Variants in PTPRK observed in about 807,000 individuals in gnomAD.
PTPRK encodes protein tyrosine phosphatase receptor type K, also known as receptor-type tyrosine-protein phosphatase kappa.
PTPRK carries 75 observed loss-of-function variants against 178.0 expected under a neutral mutation model. The observed-to-expected ratio is 0.42, with a 90% CI of 0.35 to 0.51. The LOEUF is 0.51. PTPRK is among the 20% of genes least tolerant of loss of function. The pLI, the probability that PTPRK is intolerant of heterozygous loss-of-function variation, is 0.02. For missense variants in PTPRK, 1,441 were observed against 1,797.8 expected (o/e 0.80, Z 3.59); for synonymous variants, 637 against 620.6 (o/e 1.03, Z -0.39).
intron 2 of PTPRK, among the ~76,000 whole-genome samples, chr6:128,353,169 A>C (rs1833426515): frequency 6.6e-6 from 1 of 152,250 alleles, no homozygotes; most frequent in Admixed American, 6.5e-5. Flanking sequence ...CTAAAATTTC[A>C]ATGAGATCAC....
intron 3 of PTPRK, among the ~76,000 whole-genome samples, chr6:128,257,190 A>G: frequency 6.6e-6 from 1 of 151,340 alleles, no homozygotes; most frequent in African/African-American, 2.4e-5. Flanking sequence ...AGATCACGCC[A>G]TTGCACTCCA....
chr6:128,509,820 C>T (rs1254943307), intron 1 of PTPRK, among the ~76,000 whole-genome samples: 1 of 152,118 alleles, frequency 6.6e-6, no homozygotes, highest in Non-Finnish European at 1.5e-5. Context: ...CAGCCTCCTG[C>T]ATAGATCTCC....
intron 7 of PTPRK, among the ~76,000 whole-genome samples, chr6:128,113,639 T>G (rs953166110): frequency 6.6e-6 from 1 of 152,080 alleles, no homozygotes; most frequent in African/African-American, 2.4e-5. Context: ...GTAAGGGACT[T>G]GAGCATCTGC....
chr6:128,435,139 AGGC>A (rs1845424961), intron 1 of PTPRK, among the ~76,000 whole-genome samples: 1 of 144,146 alleles, frequency 6.9e-6, no homozygotes, highest in Non-Finnish European at 1.5e-5. Flanking sequence ...GCAGGCAGGC[AGGC>A]AGGCAGGCAG....
At chr6:128,337,977 G>A (rs960817968) in intron 2 of PTPRK, among the ~76,000 whole-genome samples, 1 of 152,170 alleles carries the variant, frequency 6.6e-6, no homozygotes, top group Non-Finnish European at 1.5e-5. Context: ...AGGAGAAAAT[G>A]GGGAAGATGA....
At chr6:128,319,387 C>A (rs949429406) in intron 3 of PTPRK, among the ~76,000 whole-genome samples, 1 of 152,056 alleles carries the variant, frequency 6.6e-6, no homozygotes, top group Non-Finnish European at 1.5e-5. Flanking sequence ...TTCTACAGAG[C>A]AAAGCTAGGC....
Position 127,982,942 on chromosome 6 carries a change from G to A in PTPRK, c.3426C>T (p.Ala1142=). The change falls in exon 24 of 30, where the codon GCC becomes GCT. Residue 1142 remains alanine (A), a synonymous_variant. Coordinates refer to ENST00000368226, the MANE Select transcript of PTPRK (RefSeq NM_002844.4). The part of the protein sequence containing the change: ...YIFIHDAILE[A]CLCGETAIPV... The stretch of plus-strand genomic sequence containing the variant: ...GTATGGCAGTTTCTCCACATAAGCA[G>A]GCTTCTAAAATGGCATCATGAATAA... 1.2e-6 allele frequency: 2 copies of A among 1,613,158 alleles called. No homozygotes were observed. The highest frequency in any genetic ancestry group is 1.7e-6 in the Non-Finnish European group (2 of 1,179,466).
chr6:128,180,199 T>C (rs1210783669), intron 7 of PTPRK, among the ~76,000 whole-genome samples: 1 of 151,974 alleles, frequency 6.6e-6, no homozygotes, highest in African/African-American at 2.4e-5. Context: ...ACACAGACAA[T>C]TTCTGATGAT....
At chr6:128,422,638 CCAAAGAACTCAAAA>C (rs1478565146) in intron 1 of PTPRK, among the ~76,000 whole-genome samples, 1 of 109,674 alleles carries the variant, frequency 9.1e-6, no homozygotes, top group Non-Finnish European at 1.7e-5. Flanking sequence ...CACTTTTTTC[CCAAAGAACTCAAAA>C]TAGTTTTTAA....
chr6:128,020,861 G>A (rs1441688400), intron 13 of PTPRK, among the ~76,000 whole-genome samples: 1 of 152,140 alleles, frequency 6.6e-6, no homozygotes, highest in East Asian at 1.9e-4. Context: ...TTTCCACCAA[G>A]GCTTCGATAA....
chr6:128,142,653 T>C (rs1006227464), intron 7 of PTPRK, among the ~76,000 whole-genome samples: 6 of 151,864 alleles, frequency 4.0e-5, no homozygotes, highest in African/African-American at 1.5e-4. Flanking sequence ...AATGTGAAGT[T>C]TTTTAAATAA....
chr6:128,246,549 GC>G (rs1191485226), intron 3 of PTPRK, among the ~76,000 whole-genome samples: 1 of 152,112 alleles, frequency 6.6e-6, no homozygotes, highest in African/African-American at 2.4e-5. Context: ...TTCCTTTACT[GC>G]TAAAGATCTA....
At chr6:128,131,972 G>A (rs1794314309) in intron 7 of PTPRK, among the ~76,000 whole-genome samples, 1 of 152,020 alleles carries the variant, frequency 6.6e-6, no homozygotes, top group Non-Finnish European at 1.5e-5. Context: ...TCCCATTGAT[G>A]CACAAAAACT....
At chr6:128,334,011 A>T (rs1830599246) in intron 2 of PTPRK, among the ~76,000 whole-genome samples, 1 of 152,132 alleles carries the variant, frequency 6.6e-6, no homozygotes, top group Non-Finnish European at 1.5e-5. Flanking sequence ...AGGGCTGAGG[A>T]GAGGAAGAAA....
At chr6:127,983,135 A>T (rs1775546988) in intron 23 of PTPRK, 107 bp downstream of exon 23, 1 of 1,309,660 alleles carries the variant, frequency 7.6e-7, no homozygotes, top group East Asian at 2.5e-5. Flanking sequence ...ATTACACATG[A>T]AAAACATCTC....
At chr6:128,371,891 GA>G (rs1836353706) in intron 2 of PTPRK, among the ~76,000 whole-genome samples, 1 of 144,290 alleles carries the variant, frequency 6.9e-6, no homozygotes, top group Non-Finnish European at 1.5e-5. Context: ...AAAAAAAAAA[GA>G]GAGAGAGAGA....
At chr6:128,367,468 T>C (rs1053009619) in intron 2 of PTPRK, among the ~76,000 whole-genome samples, 15 of 152,160 alleles carry the variant, frequency 9.9e-5, no homozygotes, top group African/African-American at 3.4e-4. Flanking sequence ...CTTAACCTAA[T>C]GTATCCAATA....
intron 7 of PTPRK, among the ~76,000 whole-genome samples, chr6:128,140,300 G>A (rs1024622036): frequency 5.9e-5 from 9 of 151,986 alleles, no homozygotes; most frequent in Non-Finnish European, 1.3e-4. Flanking sequence ...AAGAGAATTT[G>A]TACAAGTGGC....
intron 11 of PTPRK, among the ~76,000 whole-genome samples, chr6:128,074,534 A>G (rs1023205402): frequency 6.6e-6 from 1 of 152,096 alleles, no homozygotes; most frequent in African/African-American, 2.4e-5. Flanking sequence ...TTGATTCTAA[A>G]TGTAGACAAT....
Sources: gnomAD v4.1 joint callset for allele counts (sites outside exome capture counted in the v4.1 genomes callset) on GRCh38, gnomAD v4.1.1 for gene constraint, MANE v1.5 for transcripts, NCBI Gene and HGNC (gene_info 2026-07-23, HGNC 2026-07-21) for gene names.